MAGI2: variants seen among roughly 807,000 people sequenced by gnomAD.
MAGI2 encodes membrane-associated guanylate kinase, WW and PDZ domain-containing protein 2.
In MAGI2, 35 loss-of-function variants were observed where a neutral mutation model predicts 133.3. That is an observed-to-expected ratio of 0.26 (90% confidence interval 0.20 to 0.35). The LOEUF (loss-of-function observed/expected upper bound fraction) is 0.35. MAGI2 is among the 10% of genes least tolerant of loss of function. The pLI is 1.00. For synonymous variants in MAGI2, 729 were observed against 710.6 expected, an observed-to-expected ratio of 1.03 and a Z score of -0.41; for missense variants, 1,636 against 1,863.4, an observed-to-expected ratio of 0.88 and a Z score of 2.25.
chr7:79,307,612 A>G lies in MAGI2; in HGVS notation c.301+145408T>C, dbSNP rs576620887. Among the ~76,000 whole-genome samples, 5 of 152,272 alleles carry G rather than the reference A, an allele frequency of 3.3e-5. No individual in the cohort carries two copies. In the East Asian group the frequency reaches 9.7e-4, roughly 29 times the overall value. On this transcript the variant is annotated intron_variant, in intron 1 of 21. Coordinates refer to ENST00000354212, the MANE Select transcript of MAGI2 (RefSeq NM_012301.4). The stretch of plus-strand genomic sequence containing the variant: ...GGATTTCTTCACCTTTTTTGTCAGC[A>G]AAAAGAAATAACGAGGATATGATAT...
chr7:79,057,386 C>T (rs976559875), intron 1 of MAGI2, among the ~76,000 whole-genome samples: 1 of 151,974 alleles, frequency 6.6e-6, no homozygotes, highest in Non-Finnish European at 1.5e-5. Context: ...ATTTGTATTG[C>T]TATTTTAAAG....
chr7:79,175,217 T>G (rs1167682453), intron 1 of MAGI2, among the ~76,000 whole-genome samples: 4 of 151,888 alleles, frequency 2.6e-5, no homozygotes, highest in Non-Finnish European at 5.9e-5. Context: ...GAAAAATGAT[T>G]AGAAGAAAAA....
rs778162212 is a variant in MAGI2 at position 78,127,222 on chromosome 7, G to A, written c.3398C>T (p.Pro1133Leu). ...CTGGGGTTGTCTGTAGTCCGACAGAGGGTACTGCCTGGTGTCGGGGGAGTG... is the reference window on the plus strand; with the variant it reads ...CTGGGGTTGTCTGTAGTCCGACAGAAGGTACTGCCTGGTGTCGGGGGAGTG... ...RQHSPDTRQYPLSDYRQPQDF... is the reference protein window; with the variant it reads ...RQHSPDTRQYLLSDYRQPQDF... Residue 1133 changes from proline (P) to leucine (L), a missense_variant, in exon 19 of 22, where the codon CCT (proline) becomes CTT (leucine). Around this residue, in one of 5 missense-constraint regions of MAGI2, gnomAD observed 920 missense variants for 1,093.5 expected, o/e 0.84. Transcript: ENST00000354212. 1.2e-5 allele frequency: 19 copies of A among 1,597,180 alleles called. No individual in the cohort carries two copies. The highest frequency in any genetic ancestry group is 1.5e-5 in the Non-Finnish European group (18 of 1,172,272).
At chr7:79,064,787 C>T (rs1242757665) in intron 1 of MAGI2, among the ~76,000 whole-genome samples, 1 of 152,040 alleles carries the variant, frequency 6.6e-6, no homozygotes, top group Non-Finnish European at 1.5e-5. Context: ...TTGTTGGTGG[C>T]TAGATTCGGC....
intron 9 of MAGI2, among the ~76,000 whole-genome samples, chr7:78,313,145 G>A (rs952572494): frequency 6.6e-6 from 1 of 151,996 alleles, no homozygotes; most frequent in African/African-American, 2.4e-5. Flanking sequence ...TAAACAATGT[G>A]CACACATGGA....
At chr7:78,618,394 ATATAT>A (rs1807337170) in intron 3 of MAGI2, 1 of 151,026 alleles carries the variant, frequency 6.6e-6, no homozygotes, top group Non-Finnish European at 1.5e-5. Context: ...TTAAATTATG[ATATAT>A]TATCAGTTTT....
At chr7:78,603,478 A>G (rs1360063108) in intron 3 of MAGI2, among the ~76,000 whole-genome samples, 3 of 152,218 alleles carry the variant, frequency 2.0e-5, no homozygotes, top group African/African-American at 7.2e-5. Context: ...GGATTAAAAC[A>G]TTCAAGATTT....
intron 2 of MAGI2, among the ~76,000 whole-genome samples, chr7:78,685,116 G>A (rs1329221254): frequency 6.6e-6 from 1 of 152,134 alleles, no homozygotes; most frequent in African/African-American, 2.4e-5. Context: ...TTTCACAATG[G>A]TGTCTCTTGA....
At chr7:78,542,939 A>C (rs973082719) in intron 3 of MAGI2, among the ~76,000 whole-genome samples, 1 of 152,214 alleles carries the variant, frequency 6.6e-6, no homozygotes, top group African/African-American at 2.4e-5. Context: ...AGAAGTGTGC[A>C]TGTGTGTATG....
At chr7:78,997,790 T>C (rs1014798) in intron 2 of MAGI2, among the ~76,000 whole-genome samples, 12,362 of 152,172 alleles carry the variant, frequency 0.081, 560 homozygotes, top group African/African-American at 0.11. Flanking sequence ...TTTAGCTATA[T>C]CTATTTGGGC....
At chr7:78,540,853 C>T (rs1231887050) in intron 3 of MAGI2, among the ~76,000 whole-genome samples, 4 of 152,198 alleles carry the variant, frequency 2.6e-5, no homozygotes, top group Admixed American at 2.0e-4. Flanking sequence ...TTACACCCTT[C>T]TCCTGTGATC....
chr7:78,256,168 T>C lies in MAGI2; in HGVS notation c.1822A>G (p.Ile608Val), dbSNP rs1792952433. The stretch of plus-strand genomic sequence containing the variant: ...CCGAAGCCCTGGGCACCTTTCACAA[T>C]GGTTAAGGTCATAAGTTCAGCTTGG... ...ATQAELMTLT[I>V]VKGAQGFGFT... Residue 608 changes from isoleucine to valine, a missense_variant, in exon 10 of 22, where the codon ATT becomes GTT. Ile to Val is a conservative substitution (Grantham distance 29, BLOSUM62 3). Around this residue, in one of 5 missense-constraint regions of MAGI2, gnomAD observed 920 missense variants for 1,093.5 expected, o/e 0.84. Coordinates refer to ENST00000354212, the MANE Select transcript of MAGI2 (RefSeq NM_012301.4). The C allele has an allele frequency of 1.2e-5, 19 of 1,613,916 alleles. No individual in the cohort carries two copies. The highest frequency in any genetic ancestry group is 1.6e-5 in the Non-Finnish European group (19 of 1,179,972).
intron 1 of MAGI2, among the ~76,000 whole-genome samples, chr7:79,151,438 G>A (rs76395476): frequency 2.0e-5 from 3 of 152,060 alleles, no homozygotes; most frequent in South Asian, 2.1e-4. Flanking sequence ...TGTTACGAAA[G>A]CTCCTTATTC....
At chr7:79,118,494 A>G (rs1819598227) in intron 1 of MAGI2, among the ~76,000 whole-genome samples, 1 of 152,148 alleles carries the variant, frequency 6.6e-6, no homozygotes, top group Non-Finnish European at 1.5e-5. Flanking sequence ...TTTTAACCTT[A>G]GCTTTACTTA....
chr7:78,361,122 G>A (rs539626486), intron 7 of MAGI2, among the ~76,000 whole-genome samples: 3 of 152,278 alleles, frequency 2.0e-5, no homozygotes, highest in South Asian at 2.1e-4. Context: ...TGGGCCAGGC[G>A]TGGTGGCTCA....
intron 2 of MAGI2, among the ~76,000 whole-genome samples, chr7:78,760,361 CTT>C (rs71085562): frequency 7.2e-5 from 9 of 124,622 alleles, no homozygotes; most frequent in African/African-American, 1.2e-4. Context: ...TTAATTCTCT[CTT>C]TTTTTTTTTT....
At chr7:78,727,078 T>C (rs1468967326) in intron 2 of MAGI2, among the ~76,000 whole-genome samples, 2 of 152,208 alleles carry the variant, frequency 1.3e-5, no homozygotes, top group East Asian at 3.8e-4. Context: ...CAGACTGACA[T>C]TGACTTACCT....
At chr7:78,895,680 A>G (rs1480568310) in intron 2 of MAGI2, among the ~76,000 whole-genome samples, 1 of 152,210 alleles carries the variant, frequency 6.6e-6, no homozygotes, top group East Asian at 1.9e-4. Context: ...AGGGCTCGCT[A>G]TTAAACACAG....
intron 2 of MAGI2, among the ~76,000 whole-genome samples, chr7:78,902,175 T>C (rs1277695896): frequency 6.6e-6 from 1 of 152,184 alleles, no homozygotes; most frequent in Non-Finnish European, 1.5e-5. Context: ...CAAAAAGCTA[T>C]ACTACTTGCT....
Sources: allele counts gnomAD v4.1 joint callset (sites outside exome capture counted in the v4.1 genomes callset), GRCh38; gene constraint gnomAD v4.1.1; regional missense constraint gnomAD v4.1.1; transcripts MANE v1.5; gene names NCBI Gene and HGNC (gene_info 2026-07-23, HGNC 2026-07-21).